The following GLIS1 variants were observed in gnomAD, a reference collection of about 807,000 sequenced individuals.
GLIS1 encodes the protein GLIS family zinc finger 1.
Under a neutral mutation model 63.8 loss-of-function variants are expected in GLIS1, and 24 were observed. The ratio of observed to expected loss-of-function variants is 0.38; its 90% CI spans 0.27 to 0.53. The LOEUF is 0.53. Among genes scored for constraint, GLIS1 ranks in the 20% least tolerant of loss-of-function variants. The pLI is 0.85. For missense variants in GLIS1, 1,036 were observed against 1,074.1 expected (o/e 0.96, Z 0.50); for synonymous variants, 450 against 482.5 (o/e 0.93, Z 0.88).
chr1:53,550,717 C>A (rs1272312161), intron 4 of GLIS1, among the ~76,000 whole-genome samples: 2 of 152,142 alleles, frequency 1.3e-5, no homozygotes, highest in African/African-American at 4.8e-5. Context: ...GCTAAAACCA[C>A]CAACATGAAT....
intron 2 of GLIS1, among the ~76,000 whole-genome samples, chr1:53,732,394 T>C (rs1028295763): frequency 1.3e-5 from 2 of 152,212 alleles, no homozygotes; most frequent in Non-Finnish European, 2.9e-5. Context: ...CAAAACTACT[T>C]TTCCCCCTCT....
chr1:53,738,348 C>T (rs768181500), intron 1 of GLIS1, among the ~76,000 whole-genome samples: 1 of 152,190 alleles, frequency 6.6e-6, no homozygotes, highest in African/African-American at 2.4e-5. Context: ...CGCGCCGCGG[C>T]GCATTACCGC....
rs185671977 is a variant in GLIS1, at chr1:53,526,796, T to C, written c.1483-1909A>G. Reference sequence around the variant, plus strand: ...GGCAAGGCCCATCTCTGTGTTTGTTTTTCCAGGGCCTGACATGTGTAGAAC... The same window carrying C: ...GGCAAGGCCCATCTCTGTGTTTGTTCTTCCAGGGCCTGACATGTGTAGAAC... On this transcript the variant is annotated intron_variant, in intron 5 of 10. Coordinates refer to ENST00000628545, the MANE Select transcript of GLIS1 (RefSeq NM_001367484.1). The surrounding 1 kb of genome is among the most constrained non-coding windows in gnomAD (Gnocchi z 4.4). Among the ~76,000 whole-genome samples, 1 of 152,320 alleles carries C rather than the reference T, an allele frequency of 6.6e-6. No homozygotes were observed. The highest frequency in any genetic ancestry group is 1.9e-4 in the East Asian group (1 of 5,182).
At chr1:53,545,581 C>T (rs1644689349) in intron 4 of GLIS1, among the ~76,000 whole-genome samples, 1 of 152,146 alleles carries the variant, frequency 6.6e-6, no homozygotes, top group African/African-American at 2.4e-5. Context: ...CAGAGAGCAG[C>T]CTGGAAAAAT....
intron 2 of GLIS1, among the ~76,000 whole-genome samples, chr1:53,654,454 TGGCA>T (rs1235429284): frequency 1.3e-5 from 2 of 152,110 alleles, no homozygotes; most frequent in African/African-American, 2.4e-5. Context: ...GACACAGGGA[TGGCA>T]GGCAGACAGG....
chr1:53,538,514 C>T (rs992518162), intron 4 of GLIS1, among the ~76,000 whole-genome samples: 2 of 152,152 alleles, frequency 1.3e-5, no homozygotes, highest in Non-Finnish European at 2.9e-5. Flanking sequence ...CCTCCAGTGC[C>T]GAGGTCTGTG....
At chr1:53,737,358 T>C (rs578007964) in intron 2 of GLIS1, among the ~76,000 whole-genome samples, 1 of 152,296 alleles carries the variant, frequency 6.6e-6, no homozygotes, top group Non-Finnish European at 1.5e-5. Context: ...ATTCCTCACT[T>C]GACAGATGGG....
intron 4 of GLIS1, among the ~76,000 whole-genome samples, chr1:53,592,705 T>C (rs1645204304): frequency 6.6e-6 from 1 of 152,238 alleles, no homozygotes; most frequent in Non-Finnish European, 1.5e-5. Flanking sequence ...AGTCTCAGCC[T>C]GTCCAATGCA....
intron 2 of GLIS1, among the ~76,000 whole-genome samples, chr1:53,684,623 A>G (rs903070761): frequency 8.2e-6 from 1 of 121,736 alleles, no homozygotes; most frequent in Non-Finnish European, 1.7e-5. Flanking sequence ...CACTACCTCA[A>G]ATCAAGAACT....
chr1:53,685,407 G>A (rs1461288556), intron 2 of GLIS1, among the ~76,000 whole-genome samples: 2 of 152,234 alleles, frequency 1.3e-5, no homozygotes, highest in Non-Finnish European at 2.9e-5. Context: ...CCCCGTCAGC[G>A]CTGCCGGCCT....
intron 4 of GLIS1, among the ~76,000 whole-genome samples, chr1:53,543,146 T>G (rs566246076): frequency 1.3e-5 from 2 of 152,292 alleles, no homozygotes; most frequent in East Asian, 3.9e-4. Flanking sequence ...ACATTTAAAG[T>G]TACATTTTTT....
chr1:53,617,417 C>A (rs796301648), intron 2 of GLIS1, among the ~76,000 whole-genome samples: 13 of 152,232 alleles, frequency 8.5e-5, no homozygotes, highest in African/African-American at 2.9e-4. Flanking sequence ...TTAAGAGACA[C>A]TAAATTTTCC....
chr1:53,595,978 G>A (rs187659880), intron 3 of GLIS1, among the ~76,000 whole-genome samples: 5 of 152,248 alleles, frequency 3.3e-5, no homozygotes, highest in South Asian at 2.1e-4. Context: ...ATGGGAGCAC[G>A]TGGGTTTGAG....
intron 2 of GLIS1, among the ~76,000 whole-genome samples, chr1:53,613,584 C>T (rs779695103): frequency 3.3e-5 from 5 of 151,656 alleles, no homozygotes; most frequent in Admixed American, 6.6e-5. Context: ...TAAGTGTGAC[C>T]CAAAAGCTTC....
At chr1:53,595,313 G>A (rs542784596) in intron 3 of GLIS1, among the ~76,000 whole-genome samples, 32 of 152,248 alleles carry the variant, frequency 2.1e-4, no homozygotes, top group African/African-American at 7.7e-4. Context: ...GTCCAGGAGT[G>A]TTCACGACCA....
At chr1:53,573,663 C>T (rs568285779) in intron 4 of GLIS1, among the ~76,000 whole-genome samples, 2 of 152,348 alleles carry the variant, frequency 1.3e-5, no homozygotes, top group South Asian at 4.1e-4. Context: ...TGTACACGCA[C>T]ACACACATGC....
rs531678108 is a variant in GLIS1 at position 53,558,538 on chromosome 1, C to T, written c.1321-28586G>A. 1.3e-5 allele frequency among the ~76,000 whole-genome samples: 2 copies of T among 152,324 alleles called. 1 individual carries two copies. The highest frequency in any genetic ancestry group is 4.1e-4 in the South Asian group (2 of 4,820). On this transcript the variant is annotated intron_variant, in intron 4 of 10. Transcript: ENST00000628545. ...CGCCTTTGTTCACACTCTTCCCATG[C>T]CTCCCCCTAACGATCTCACTCTCTC...
At chr1:53,565,410 C>T (rs1356898463) in intron 4 of GLIS1, among the ~76,000 whole-genome samples, 2 of 151,198 alleles carry the variant, frequency 1.3e-5, no homozygotes, top group Admixed American at 6.6e-5. Context: ...GTCATAGAAA[C>T]GAAGATAAAA....
chr1:53,637,147 C>T (rs1476021523), intron 2 of GLIS1, among the ~76,000 whole-genome samples: 1 of 152,214 alleles, frequency 6.6e-6, no homozygotes, highest in African/African-American at 2.4e-5. Context: ...CTGTGCCAGC[C>T]CTGGGCTGGT....
Sources: allele counts gnomAD v4.1 joint callset (sites outside exome capture counted in the v4.1 genomes callset), GRCh38; gene constraint gnomAD v4.1.1; non-coding constraint Gnocchi (gnomAD v3.1); transcripts MANE v1.5; gene names NCBI Gene and HGNC (gene_info 2026-07-23, HGNC 2026-07-21).